Variants in CTNNBL1 observed in about 807,000 individuals in gnomAD.
CTNNBL1 encodes the protein beta-catenin-like protein 1.
A neutral mutation model predicts 72.7 loss-of-function variants in CTNNBL1; 31 were observed. The ratio of observed to expected loss-of-function variants is 0.43; its 90% CI spans 0.32 to 0.58. The LOEUF (loss-of-function observed/expected upper bound fraction) is 0.58. CTNNBL1 is among the 20% of genes least tolerant of loss of function. CTNNBL1 has a pLI of 0.08. For missense variants in CTNNBL1, 534 were observed against 725.1 expected (o/e 0.74, Z 3.03); for synonymous variants, 240 against 267.3 (o/e 0.90, Z 1.00).
intron 6 of CTNNBL1, among the ~76,000 whole-genome samples, chr20:37,767,525 A>G (rs1238937128): frequency 6.6e-6 from 1 of 151,978 alleles, no homozygotes; most frequent in African/African-American, 2.4e-5. Context: ...CTGCAAATGG[A>G]TGAATCAGGA....
At chr20:37,868,801 A>G (rs574103982) in intron 15 of CTNNBL1, among the ~76,000 whole-genome samples, 3 of 152,228 alleles carry the variant, frequency 2.0e-5, no homozygotes, top group African/African-American at 7.2e-5. Flanking sequence ...CTGTTGGAAA[A>G]TCACTGCCCC....
At chr20:37,812,390 A>G (rs996724766) in intron 11 of CTNNBL1, among the ~76,000 whole-genome samples, 2 of 152,290 alleles carry the variant, frequency 1.3e-5, no homozygotes, top group East Asian at 3.9e-4. Flanking sequence ...CCAGGACTTT[A>G]TATGTGGATA....
intron 13 of CTNNBL1, among the ~76,000 whole-genome samples, chr20:37,853,433 A>G (rs1568811908): frequency 6.6e-6 from 1 of 152,212 alleles, no homozygotes; most frequent in East Asian, 1.9e-4. Flanking sequence ...CCAGAGACTG[A>G]ATCCTAGCCA....
chr20:37,767,882 A>C, intron 6 of CTNNBL1, 71 bp from the exon 7 acceptor site: 1 of 1,246,314 alleles, frequency 8.0e-7, no homozygotes, highest in African/African-American at 1.5e-5. Flanking sequence ...CATGCCTGTC[A>C]TGGGAAGCAA....
chr20:37,743,583 C>T (rs1313806059), intron 3 of CTNNBL1, among the ~76,000 whole-genome samples: 2 of 152,054 alleles, frequency 1.3e-5, no homozygotes, highest in South Asian at 2.1e-4. Context: ...ATAAAACATA[C>T]TATAAAGCTA....
At chr20:37,759,397 G>A (rs1482694840) in intron 5 of CTNNBL1, among the ~76,000 whole-genome samples, 1 of 152,080 alleles carries the variant, frequency 6.6e-6, no homozygotes, top group African/African-American at 2.4e-5. Context: ...TGTCTGAATA[G>A]GGAAGACGAG....
At chr20:37,757,939 A>G (rs559765416) in intron 5 of CTNNBL1, among the ~76,000 whole-genome samples, 13 of 152,230 alleles carry the variant, frequency 8.5e-5, no homozygotes, top group Admixed American at 2.6e-4. Context: ...CATTATTGCT[A>G]TTATTTCCAT....
intron 11 of CTNNBL1, among the ~76,000 whole-genome samples, chr20:37,838,783 A>G (rs1234946311): frequency 6.6e-6 from 1 of 152,176 alleles, no homozygotes; most frequent in Non-Finnish European, 1.5e-5. Flanking sequence ...GCTACTCAGG[A>G]GGCTGAGGCA....
At chr20:37,721,192 C>G (rs2073037534) in intron 1 of CTNNBL1, among the ~76,000 whole-genome samples, 1 of 152,220 alleles carries the variant, frequency 6.6e-6, no homozygotes, top group Non-Finnish European at 1.5e-5. Flanking sequence ...AGCAAGGCTT[C>G]CAGACCCTCT....
chr20:37,722,473 AAAAT>A (rs60211876), intron 1 of CTNNBL1, among the ~76,000 whole-genome samples: 39,623 of 141,978 alleles, frequency 0.28, 5,966 homozygotes, highest in Admixed American at 0.4. Flanking sequence ...GGCTCCGTCT[AAAAT>A]AAATAAATAA....
At chr20:37,836,658 A>G (rs1447364694) in intron 11 of CTNNBL1, among the ~76,000 whole-genome samples, 1 of 152,120 alleles carries the variant, frequency 6.6e-6, no homozygotes, top group African/African-American at 2.4e-5. Context: ...CTAAATGAGG[A>G]GCTTCTTCAG....
chr20:37,698,334 G>A (rs1452711165), intron 1 of CTNNBL1, among the ~76,000 whole-genome samples: 1 of 152,208 alleles, frequency 6.6e-6, no homozygotes. Context: ...CCCCATCGCA[G>A]GTTCCCCACT....
At chr20:37,709,091 C>T (rs1033444999) in intron 1 of CTNNBL1, among the ~76,000 whole-genome samples, 1 of 151,870 alleles carries the variant, frequency 6.6e-6, no homozygotes, top group Non-Finnish European at 1.5e-5. Context: ...GAGCCGAGAT[C>T]GCGCCACTGC....
intron 1 of CTNNBL1, among the ~76,000 whole-genome samples, chr20:37,699,495 G>A (rs1169088803): frequency 6.6e-6 from 1 of 152,216 alleles, no homozygotes; most frequent in Non-Finnish European, 1.5e-5. Context: ...GGCCAGAACT[G>A]AAACCAGCTG....
At chr20:37,850,314 G>A (rs549994380) in intron 13 of CTNNBL1, among the ~76,000 whole-genome samples, 8 of 152,230 alleles carry the variant, frequency 5.3e-5, no homozygotes, top group Admixed American at 2.6e-4. Context: ...TAAGTATGGC[G>A]TCATGCAAGC....
At chr20:37,869,644 G>A (rs867755087) in intron 15 of CTNNBL1, among the ~76,000 whole-genome samples, 3 of 152,216 alleles carry the variant, frequency 2.0e-5, no homozygotes, top group Non-Finnish European at 4.4e-5. Context: ...GGGGCCGGGT[G>A]TGGGAGTGAG....
intron 5 of CTNNBL1, among the ~76,000 whole-genome samples, chr20:37,760,521 T>C (rs1315067800): frequency 6.6e-6 from 1 of 152,248 alleles, no homozygotes; most frequent in Non-Finnish European, 1.5e-5. Flanking sequence ...TGTCTGTTTA[T>C]AAGTTTGTCC....
intron 13 of CTNNBL1, among the ~76,000 whole-genome samples, chr20:37,854,312 A>G (rs1416879733): frequency 2.0e-5 from 3 of 152,148 alleles, no homozygotes; most frequent in Admixed American, 6.5e-5. Flanking sequence ...CTTCTGACCT[A>G]ATTAGAGAAA....
At chr20:37,870,902 C>T (rs73094659) in intron 15 of CTNNBL1, among the ~76,000 whole-genome samples, 19 of 152,284 alleles carry the variant, frequency 1.2e-4, no homozygotes, top group Non-Finnish European at 2.4e-4. Context: ...CCCTGCCACT[C>T]GCTCCTAGAC....
Sources: gnomAD v4.1 joint callset for allele counts (sites outside exome capture counted in the v4.1 genomes callset) on GRCh38, gnomAD v4.1.1 for gene constraint, MANE v1.5 for transcripts, NCBI Gene and HGNC (gene_info 2026-07-23, HGNC 2026-07-21) for gene names.